Variants in KCNQ1 observed in about 807,000 individuals in gnomAD.
KCNQ1 encodes the protein potassium voltage-gated channel subfamily Q member 1.
KCNQ1 carries 49 observed loss-of-function variants against 72.4 expected under a neutral mutation model. That is an observed-to-expected ratio of 0.68 (90% confidence interval 0.54 to 0.86). KCNQ1 has a LOEUF of 0.86. Among genes scored for constraint, KCNQ1 ranks in the 40% least tolerant of loss-of-function variants. KCNQ1 has a pLI of 0.00. For synonymous variants in KCNQ1, 450 were observed against 412.6 expected (o/e 1.09, Z -1.10); for missense variants, 790 against 945.1 (o/e 0.84, Z 2.15).
intron 15 of KCNQ1, among the ~76,000 whole-genome samples, chr11:2,832,619 C>T (rs1244699015): frequency 6.6e-6 from 1 of 152,222 alleles, no homozygotes; most frequent in East Asian, 1.9e-4. Context: ...TGGGAGACCA[C>T]AGTTGCAGCA....
chr11:2,752,653 C>G lies in KCNQ1; in HGVS notation c.1515-16191C>G, dbSNP rs1846244878. On this transcript the variant is annotated intron_variant, in intron 11 of 15. Transcript: ENST00000155840. This position sits in a 1 kb window ranked among gnomAD's most constrained non-coding sequence, Gnocchi z 5.2. ...AACAAGCTCCCTCAGGCCTCCTTTCCAAGGGCACGCATCCTCTTCCTGAAG... is the reference window on the plus strand; with the variant it reads ...AACAAGCTCCCTCAGGCCTCCTTTCGAAGGGCACGCATCCTCTTCCTGAAG... 6.6e-6 allele frequency among the ~76,000 whole-genome samples: 1 copy of G among 152,058 alleles called. No homozygotes were observed. Among genetic ancestry groups the G allele is most frequent in the South Asian group, 2.1e-4 (1 of 4,812 alleles).
intron 1 of KCNQ1, among the ~76,000 whole-genome samples, chr11:2,513,284 C>T (rs1351223016): frequency 6.6e-6 from 1 of 152,172 alleles, no homozygotes; most frequent in Admixed American, 6.5e-5. Context: ...CCTGATATGG[C>T]CACGCAGAGA....
rs907207762 is a variant in KCNQ1 at position 2,562,362 on chromosome 11, G to T, written c.478-8266G>T. On this transcript the variant is annotated intron_variant, in intron 2 of 15. Coordinates refer to ENST00000155840, the MANE Select transcript of KCNQ1 (RefSeq NM_000218.3). The surrounding 1 kb of genome is among the most constrained non-coding windows in gnomAD (Gnocchi z 7.5). ...GGACAAAGGGCGCTTTGAGCTGCCT[G>T]AGTGCCTGCATTGCCCTCCGGCCAG... Among the ~76,000 whole-genome samples, 2 of 152,164 alleles carry T rather than the reference G, an allele frequency of 1.3e-5. No homozygotes were observed. Among genetic ancestry groups the T allele is most frequent in the Non-Finnish European group, 2.9e-5 (2 of 68,004 alleles).
chr11:2,808,275 G>A lies in KCNQ1; in HGVS notation c.1794+30238G>A, dbSNP rs1272436597. On this transcript the variant is annotated intron_variant, in intron 15 of 15. Transcript: ENST00000155840. This position sits in a 1 kb window ranked among gnomAD's most constrained non-coding sequence, Gnocchi z 6.0. ...ACCAAGCCCCTGCGATATCCCAGTG[G>A]AAGATAATGGAGGTGTTACGGGGAT... Among the ~76,000 whole-genome samples the A allele has an allele frequency of 6.6e-6, 1 of 152,250 alleles. No individual in the cohort carries two copies. Among genetic ancestry groups the A allele is most frequent in the Non-Finnish European group, 1.5e-5 (1 of 68,042 alleles).
chr11:2,474,315 C>T (rs1226063097), intron 1 of KCNQ1, among the ~76,000 whole-genome samples: 1 of 152,090 alleles, frequency 6.6e-6, no homozygotes, highest in Admixed American at 6.5e-5. Context: ...GGGAAGAGGG[C>T]GAGGGTGAGC....
chr11:2,812,827 G>C (rs778550122), intron 15 of KCNQ1, among the ~76,000 whole-genome samples: 3 of 152,212 alleles, frequency 2.0e-5, no homozygotes, highest in South Asian at 2.1e-4. Context: ...CCAGCCTCCT[G>C]GGGGCTTCCG....
At chr11:2,689,416 A>C (rs1850552010) in intron 11 of KCNQ1, 2 of 398,590 alleles carry the variant, frequency 5.0e-6, no homozygotes, top group Non-Finnish European at 8.8e-6. Flanking sequence ...AATGGGGAGC[A>C]TAGGGGAGGA....
chr11:2,587,020 A>G (rs1265491304), intron 8 of KCNQ1, among the ~76,000 whole-genome samples: 1 of 152,062 alleles, frequency 6.6e-6, no homozygotes, highest in African/African-American at 2.4e-5. Flanking sequence ...AGCTGCACCC[A>G]TGTGCCATCA....
At chr11:2,700,889 C>T (rs56134303) in intron 11 of KCNQ1, among the ~76,000 whole-genome samples, 2,277 of 152,338 alleles carry the variant, frequency 0.015, 57 homozygotes, top group East Asian at 0.089. Flanking sequence ...CCATAAACTC[C>T]GGGGACAAAA....
intron 11 of KCNQ1, among the ~76,000 whole-genome samples, chr11:2,728,986 C>T (rs1391934240): frequency 6.6e-6 from 1 of 152,224 alleles, no homozygotes; most frequent in Non-Finnish European, 1.5e-5. Flanking sequence ...TTCTGGGAGC[C>T]ACTGCAGACA....
chr11:2,644,550 CA>C, intron 10 of KCNQ1: 3 of 398,368 alleles, frequency 7.5e-6, no homozygotes, highest in South Asian at 2.6e-4. Flanking sequence ...AAGGTTTCAT[CA>C]ATTTCTTTTT....
At chr11:2,604,026 C>T (rs537302571) in intron 10 of KCNQ1, among the ~76,000 whole-genome samples, 5 of 152,294 alleles carry the variant, frequency 3.3e-5, no homozygotes, top group African/African-American at 1.2e-4. Context: ...AATAATCTTC[C>T]ATCGTATGAT....
At position 2,711,499 on chromosome 11, in the gene KCNQ1, G is replaced by T. The variant is rs564103935; in HGVS notation, c.1514+49418G>T. ...AGCCACCATCTTATCCAAGTGCTCT[G>T]TGGCAGCTTGTGGAATCTTCTCAAC... On this transcript the variant is annotated intron_variant, in intron 11 of 15. Coordinates refer to ENST00000155840, the MANE Select transcript of KCNQ1 (RefSeq NM_000218.3). This position sits in a 1 kb window ranked among gnomAD's most constrained non-coding sequence, Gnocchi z 5.4. 6.6e-6 allele frequency among the ~76,000 whole-genome samples: 1 copy of T among 152,250 alleles called. No individual in the cohort carries two copies. The highest frequency in any genetic ancestry group is 1.5e-5 in the Non-Finnish European group (1 of 68,030).
At chr11:2,726,866 C>T (rs1845773559) in intron 11 of KCNQ1, among the ~76,000 whole-genome samples, 1 of 152,128 alleles carries the variant, frequency 6.6e-6, no homozygotes, top group African/African-American at 2.4e-5. Flanking sequence ...TCCAGAGGCC[C>T]CTCCCAAGTA....
At chr11:2,799,376 G>GTGTGTGTGTGTA (rs1491404744) in intron 15 of KCNQ1, among the ~76,000 whole-genome samples, 3 of 74,836 alleles carry the variant, frequency 4.0e-5, no homozygotes, top group African/African-American at 1.8e-4. Flanking sequence ...GTAAGTTCGA[G>GTGTGTGTGTGTA]TGTGTGTGTG....
Position 2,495,785 on chromosome 11 carries a change from A to T in KCNQ1, c.387-32143A>T, listed in dbSNP as rs914080396. Reference sequence around the variant, plus strand: ...TGTGGTCAATTTTAGAATAAGTGCTATGTGATGCTGAGAACAATGTACATT... The same window carrying T: ...TGTGGTCAATTTTAGAATAAGTGCTTTGTGATGCTGAGAACAATGTACATT... On this transcript the variant is annotated intron_variant, in intron 1 of 15. Coordinates refer to ENST00000155840, the MANE Select transcript of KCNQ1 (RefSeq NM_000218.3). This position sits in a 1 kb window ranked among gnomAD's most constrained non-coding sequence, Gnocchi z 4.6. Among the ~76,000 whole-genome samples the T allele has an allele frequency of 6.6e-6, 1 of 152,162 alleles. No individual in the cohort carries two copies. Among genetic ancestry groups the T allele is most frequent in the African/African-American group, 2.4e-5 (1 of 41,430 alleles).
Position 2,623,449 on chromosome 11 carries a change from G to A in KCNQ1, c.1393+34595G>A. On this transcript the variant is annotated intron_variant, in intron 10 of 15. Transcript: ENST00000155840. This position sits in a 1 kb window ranked among gnomAD's most constrained non-coding sequence, Gnocchi z 5.2. ...AACCCTTCTTCCCCAACAACCCTTG[G>A]CAACCACTGAACTTTTTACTGCCTC... 2.5e-6 allele frequency: 1 copy of A among 398,494 alleles called. No homozygotes were observed. The highest frequency in any genetic ancestry group is 4.4e-6 in the Non-Finnish European group (1 of 226,052). The allele number at this position is 398,494 out of a possible 1,614,324, so 24.7% of individuals were successfully genotyped here.
At chr11:2,461,318 G>A (rs565394926) in intron 1 of KCNQ1, 4 of 859,248 alleles carry the variant, frequency 4.7e-6, no homozygotes, top group East Asian at 1.3e-4. Context: ...CAGCAGATTT[G>A]TAGTCTGGTT....
chr11:2,559,321 CA>C lies in KCNQ1; in HGVS notation c.478-11306del, dbSNP rs1848123635. 2.0e-5 allele frequency among the ~76,000 whole-genome samples: 3 copies of C among 152,144 alleles called. No individual in the cohort carries two copies. The highest frequency in any genetic ancestry group is 4.4e-5 in the Non-Finnish European group (3 of 68,028). On this transcript the variant is annotated intron_variant, in intron 2 of 15. Transcript: ENST00000155840. The surrounding 1 kb of genome is among the most constrained non-coding windows in gnomAD (Gnocchi z 4.9). ...TGTGTGAACATGGCTCCCCTTAGGC[CA>C]GGGGTAGACGCAGGCACAGGGAGGA...
Sources: allele counts gnomAD v4.1 joint callset (sites outside exome capture counted in the v4.1 genomes callset), GRCh38; gene constraint gnomAD v4.1.1; non-coding constraint Gnocchi (gnomAD v3.1); transcripts MANE v1.5; gene names NCBI Gene and HGNC (gene_info 2026-07-23, HGNC 2026-07-21).